DTX2: variants seen among roughly 807,000 people sequenced by gnomAD.
The protein encoded by DTX2 is probable E3 ubiquitin-protein ligase DTX2.
Under a neutral mutation model 55.3 loss-of-function variants are expected in DTX2, and 29 were observed. The observed-to-expected ratio is 0.52, with a 90% CI of 0.39 to 0.71. The LOEUF (loss-of-function observed/expected upper bound fraction) is 0.71, where lower values mean the gene tolerates loss of function less well. Among genes scored for constraint, DTX2 ranks in the 30% least tolerant of loss-of-function variants. The pLI is 0.00. For synonymous variants in DTX2, 276 were observed against 340.4 expected, an observed-to-expected ratio of 0.81 and a Z score of 2.08; for missense variants, 537 against 822.5, an observed-to-expected ratio of 0.65 and a Z score of 4.25.
Position 76,503,117 on chromosome 7 carries a change from G to C in DTX2, c.1390-309G>C, listed in dbSNP as rs1261779593. The C allele has an allele frequency of 7.3e-6, 3 of 408,392 alleles. No homozygotes were observed. The Admixed American group carries it at 1.2e-4, about 16-fold the overall frequency. 25.3% of individuals were successfully genotyped at this position (408,392 alleles called of 1,614,324 possible). On this transcript the variant is annotated intron_variant, in intron 8 of 10. Coordinates refer to ENST00000430490, the MANE Select transcript of DTX2 (RefSeq NM_001102594.3). ...CAGGGCCCAGCTCCGCAGATCAGAC[G>C]CTGCAAGGCTGTCTATCCGACTGCA...
rs371517327 is a variant in DTX2, at chr7:76,505,869, G to C, written c.*268G>C. The C allele has an allele frequency of 8.6e-6, 5 of 579,460 alleles. No individual in the cohort carries two copies. The highest frequency in any genetic ancestry group is 1.9e-5 in the African/African-American group (1 of 53,476). The allele number at this position is 579,460 out of a possible 1,614,324, so 35.9% of individuals were successfully genotyped here. On this transcript the variant is annotated 3_prime_UTR_variant, in exon 11 of 11. Coordinates refer to ENST00000430490, the MANE Select transcript of DTX2 (RefSeq NM_001102594.3). The surrounding 1 kb of genome is among the most constrained non-coding windows in gnomAD (Gnocchi z 4.4). Reference sequence around the variant, plus strand: ...CCGTCTGTCCTCTGGGGGCTGCTTCGGGCCCGCGGTGCTCGGGGCCTGGTG... The same window carrying C: ...CCGTCTGTCCTCTGGGGGCTGCTTCCGGCCCGCGGTGCTCGGGGCCTGGTG...
rs1021224334 is a variant in DTX2 at position 76,505,218 on chromosome 7, T to G, written c.1642-156T>G. ...CTAATGTACTATCCAGTGGGCAGTT[T>G]TGGGGTCCCTGCAGATGGGGTGAGT... On this transcript the variant is annotated intron_variant, in intron 10 of 10. Coordinates refer to ENST00000430490, the MANE Select transcript of DTX2 (RefSeq NM_001102594.3). This position sits in a 1 kb window ranked among gnomAD's most constrained non-coding sequence, Gnocchi z 4.4. Among the ~76,000 whole-genome samples, 3 of 151,922 alleles carry G rather than the reference T, an allele frequency of 2.0e-5. No individual in the cohort carries two copies. The highest frequency in any genetic ancestry group is 7.3e-5 in the African/African-American group (3 of 41,368).
At chr7:76,498,445 G>A (rs1811180929) in intron 6 of DTX2, among the ~76,000 whole-genome samples, 1 of 151,324 alleles carries the variant, frequency 6.6e-6, no homozygotes, top group Non-Finnish European at 1.5e-5. Context: ...AACCTTCTGT[G>A]GCACTCGGGT....
chr7:76,482,767 A>C lies in DTX2; in HGVS notation c.528A>C (p.Ala176=). The change falls in exon 4 of 11, where the codon GCA becomes GCC. Residue 176 remains alanine, a synonymous_variant. Coordinates refer to ENST00000430490, the MANE Select transcript of DTX2 (RefSeq NM_001102594.3). ...TCTGCCGCAGCGTGCGGCGCCAAGC[A>C]GGGCCGCCTTACCCGGTGACCACCA... ...SSFCRSVRRQ[A]GPPYPVTTII... The C allele has an allele frequency of 6.2e-7, 1 of 1,613,860 alleles. No individual in the cohort carries two copies. The highest frequency in any genetic ancestry group is 1.3e-5 in the African/African-American group (1 of 75,010).
chr7:76,468,021 G>A (rs1807365627), intron 2 of DTX2, among the ~76,000 whole-genome samples: 1 of 152,300 alleles, frequency 6.6e-6, no homozygotes, highest in African/African-American at 2.4e-5. Flanking sequence ...TGTATGCAAG[G>A]GAATATTGAA....
intron 3 of DTX2, 68 bp from the exon 4 acceptor site, chr7:76,482,440 A>G: frequency 1.3e-6 from 2 of 1,493,702 alleles, no homozygotes; most frequent in Non-Finnish European, 1.8e-6. Context: ...GGTTGAAAAA[A>G]GAATTTGAAC....
intron 6 of DTX2, chr7:76,500,212 G>T (rs1434432473): frequency 1.3e-5 from 5 of 378,100 alleles, no homozygotes; most frequent in African/African-American, 8.1e-5. Context: ...ATGGCTCCTG[G>T]GGCTGAGCCG....
chr7:76,478,414 ATT>A (rs559041165), intron 2 of DTX2, among the ~76,000 whole-genome samples: 13 of 120,362 alleles, frequency 1.1e-4, no homozygotes, highest in Non-Finnish European at 8.4e-5. Flanking sequence ...ATCAGCTCTG[ATT>A]TTTTTTTTTT....
At chr7:76,498,667 G>T (rs994397618) in intron 6 of DTX2, among the ~76,000 whole-genome samples, 2 of 128,736 alleles carry the variant, frequency 1.6e-5, no homozygotes, top group Non-Finnish European at 3.2e-5. Flanking sequence ...CTTTTCCAAA[G>T]GAAAAGGCCC....
rs532326466 is a variant in DTX2, at chr7:76,502,433, G to T, written c.1366G>T (p.Ala456Ser). ...TGCCTTCCACCTGCTGTGCCTCCTG[G>T]CCATGTACTGCAACGGCAATAAGGT... ...SHAFHLLCLL[A>S]MYCNGNKDGS... Residue 456 changes from alanine to serine, a missense_variant, in exon 8 of 11, where the codon GCC becomes TCC. Physicochemically the swap from Ala to Ser is moderately conservative, Grantham distance 99. Coordinates refer to ENST00000430490, the MANE Select transcript of DTX2 (RefSeq NM_001102594.3). The T allele has an allele frequency of 1.9e-6, 3 of 1,612,276 alleles. No individual in the cohort carries two copies. The highest frequency in any genetic ancestry group is 2.2e-5 in the South Asian group (2 of 91,044).
At chr7:76,475,502 T>C (rs951073225) in intron 2 of DTX2, among the ~76,000 whole-genome samples, 1 of 145,110 alleles carries the variant, frequency 6.9e-6, no homozygotes, top group African/African-American at 2.5e-5. Context: ...ACCTGGCCAA[T>C]GTGGCAAAAC....
chr7:76,501,440 G>C, intron 7 of DTX2: 1 of 332,956 alleles, frequency 3.0e-6, no homozygotes, highest in East Asian at 8.4e-5. Context: ...TTCACCCCAG[G>C]CTCCTCCTCT....
chr7:76,499,261 A>G (rs1811363161), intron 6 of DTX2, among the ~76,000 whole-genome samples: 1 of 78,786 alleles, frequency 1.3e-5, no homozygotes, highest in Non-Finnish European at 2.4e-5. Flanking sequence ...GCTTGGTTAC[A>G]TATTCGTCTT....
intron 2 of DTX2, among the ~76,000 whole-genome samples, chr7:76,468,758 A>ATTGTTTT (rs1807493008): frequency 3.7e-5 from 1 of 27,044 alleles, no homozygotes; most frequent in African/African-American, 2.1e-4. Context: ...CACGCCCAGC[A>ATTGTTTT]TTTTTTTTTT....
intron 8 of DTX2, 42 bp downstream of exon 8, chr7:76,502,498 C>T (rs556815744): frequency 7.5e-6 from 12 of 1,596,666 alleles, no homozygotes; most frequent in Admixed American, 3.4e-5. Flanking sequence ...GGCCCGCCCC[C>T]ACAGTCCTGA....
chr7:76,502,070 A>T (rs1239384276), intron 7 of DTX2: 3 of 530,344 alleles, frequency 5.7e-6, no homozygotes, highest in Non-Finnish European at 1.0e-5. Flanking sequence ...TATTCTTAGT[A>T]GAGATGGGGT....
At chr7:76,463,056 G>T (rs1249700273) in intron 1 of DTX2, among the ~76,000 whole-genome samples, 49 of 112,362 alleles carry the variant, frequency 4.4e-4, no homozygotes, top group Non-Finnish European at 7.5e-4. Flanking sequence ...GACAGAGGGA[G>T]ACCCCGTCTC....
chr7:76,504,640 G>T (rs1243944320), intron 10 of DTX2, among the ~76,000 whole-genome samples, 195 bp downstream of exon 10: 5 of 152,220 alleles, frequency 3.3e-5, no homozygotes, highest in Non-Finnish European at 1.5e-5. Context: ...GAGGGAGGAG[G>T]AGAGGCCATC....
chr7:76,503,552 A>T lies in DTX2; in HGVS notation c.1516A>T (p.Ile506Phe). 1.2e-6 allele frequency: 2 copies of T among 1,612,572 alleles called. No individual in the cohort carries two copies. Among genetic ancestry groups the T allele is most frequent in the Non-Finnish European group, 1.7e-6 (2 of 1,179,786 alleles). ...CCCCGGCCACGAGGACTGCGGGACC[A>T]TCCTCATAGTTTACAGCATTCCCCA... ...SLPGHEDCGT[I>F]LIVYSIPHGI... The change falls in exon 9 of 11, where the codon ATC (isoleucine) becomes TTC (phenylalanine). Residue 506 changes from isoleucine to phenylalanine, a missense_variant. Around this residue, in one of 7 missense-constraint regions of DTX2, gnomAD observed 121 missense variants for 136.8 expected, o/e 0.88. Coordinates refer to ENST00000430490, the MANE Select transcript of DTX2 (RefSeq NM_001102594.3).
Sources: allele counts gnomAD v4.1 joint callset (sites outside exome capture counted in the v4.1 genomes callset), GRCh38; gene constraint gnomAD v4.1.1; regional missense constraint gnomAD v4.1.1; non-coding constraint Gnocchi (gnomAD v3.1); transcripts MANE v1.5; gene names NCBI Gene and HGNC (gene_info 2026-07-23, HGNC 2026-07-21).